Variants in STK3 observed in about 807,000 individuals in gnomAD.
The protein encoded by STK3 is serine/threonine kinase 3.
STK3 carries 41 observed loss-of-function variants against 58.0 expected under a neutral mutation model. That is an observed-to-expected ratio of 0.71 (90% CI 0.55 to 0.92). The LOEUF (loss-of-function observed/expected upper bound fraction) is 0.92. STK3 is among the 40% of genes least tolerant of loss of function. STK3 has a pLI of 0.00. For synonymous variants in STK3, 170 were observed against 191.0 expected, an observed-to-expected ratio of 0.89 and a Z score of 0.91; for missense variants, 479 against 602.7, an observed-to-expected ratio of 0.79 and a Z score of 2.15.
intron 7 of STK3, among the ~76,000 whole-genome samples, chr8:98,585,436 T>C (rs1231955029): frequency 1.3e-5 from 2 of 151,740 alleles, no homozygotes; most frequent in African/African-American, 2.4e-5. Flanking sequence ...AAGGGCTCTG[T>C]TCTGTTCCAT....
chr8:98,743,333 T>C (rs1209892536), intron 4 of STK3, among the ~76,000 whole-genome samples: 1 of 150,506 alleles, frequency 6.6e-6, no homozygotes, highest in Admixed American at 6.6e-5. Flanking sequence ...GACTTCAAAC[T>C]ATACTACAAG....
rs115303687 is a variant in STK3, at chr8:98,570,472, A to G, written c.948+9192T>C. Among the ~76,000 whole-genome samples, 1,404 of 152,194 alleles carry G rather than the reference A, an allele frequency of 9.2e-3. 18 individuals carry two copies. The highest frequency in any genetic ancestry group is 0.032 in the African/African-American group (1,327 of 41,528). On this transcript the variant is annotated intron_variant, in intron 8 of 10. Transcript: ENST00000419617. ...TATTTATTTTTAATTTTAAAACTAG[A>G]TTTAATATCTACCAACTCTTCCAAA...
chr8:98,775,539 C>T (rs911603593), intron 1 of STK3, among the ~76,000 whole-genome samples: 2 of 152,098 alleles, frequency 1.3e-5, no homozygotes, highest in Non-Finnish European at 2.9e-5. Flanking sequence ...TTATTCTCTG[C>T]TTTGTTGGAT....
chr8:98,373,239 A>C (rs957208197), intron 2 of STK3, among the ~76,000 whole-genome samples: 8 of 152,122 alleles, frequency 5.3e-5, no homozygotes, highest in African/African-American at 1.9e-4. Flanking sequence ...TGCCCTTAAC[A>C]TCTCCTTCTG....
At chr8:98,381,213 CA>C (rs1817728545) in intron 1 of STK3, among the ~76,000 whole-genome samples, 1 of 151,992 alleles carries the variant, frequency 6.6e-6, no homozygotes, top group Non-Finnish European at 1.5e-5. Context: ...TCAGGTGATC[CA>C]CCTGCCTCAG....
intron 8 of STK3, among the ~76,000 whole-genome samples, chr8:98,568,148 A>G (rs1812660262): frequency 6.6e-6 from 1 of 152,214 alleles, no homozygotes; most frequent in Admixed American, 6.5e-5. Context: ...TTATAATTTT[A>G]GAACAGTCCA....
intron 4 of STK3, among the ~76,000 whole-genome samples, chr8:98,710,577 G>A (rs568144120): frequency 6.3e-4 from 96 of 152,318 alleles, no homozygotes; most frequent in Non-Finnish European, 6.5e-4. Flanking sequence ...ACTGCAATGC[G>A]GCAGCGAGGC....
At chr8:98,667,538 T>G (rs780066295) in intron 6 of STK3, among the ~76,000 whole-genome samples, 1 of 152,150 alleles carries the variant, frequency 6.6e-6, no homozygotes, top group Non-Finnish European at 1.5e-5. Flanking sequence ...GTAACAAATT[T>G]TGACTGATTG....
At chr8:98,631,435 A>T (rs971425870) in intron 6 of STK3, among the ~76,000 whole-genome samples, 6 of 152,120 alleles carry the variant, frequency 3.9e-5, no homozygotes, top group African/African-American at 1.2e-4. Flanking sequence ...TAAAACATCA[A>T]ACACAGTCAC....
chr8:98,754,226 A>G (rs1317801857), intron 3 of STK3, among the ~76,000 whole-genome samples: 1 of 152,160 alleles, frequency 6.6e-6, no homozygotes, highest in Non-Finnish European at 1.5e-5. Context: ...ATGAAACTAA[A>G]TACAGACTTA....
At chr8:98,418,481 G>A (rs1818136603) in intron 3 of STK3, among the ~76,000 whole-genome samples, 1 of 152,206 alleles carries the variant, frequency 6.6e-6, no homozygotes, top group Non-Finnish European at 1.5e-5. Context: ...GTGGATGGAT[G>A]GATGGATCGA....
chr8:98,594,360 G>A (rs916243044), intron 7 of STK3, among the ~76,000 whole-genome samples: 1 of 152,082 alleles, frequency 6.6e-6, no homozygotes, highest in Non-Finnish European at 1.5e-5. Context: ...AGCACTTTGG[G>A]AGGCTGAGGC....
chr8:98,902,794 T>C (rs2131956215), intron 1 of STK3, among the ~76,000 whole-genome samples: 2 of 152,354 alleles, frequency 1.3e-5, no homozygotes, highest in Admixed American at 6.5e-5. Context: ...TTGCAGAGAT[T>C]ATCATGCATT....
rs867130624 is a variant in STK3, at chr8:98,457,461, C to T, written c.1318-1461G>A. ...CCAGTTCCACTTCTGTGTTCTTCAACATCATCTCTATTTCAGCCCATGTTA... is the reference window on the plus strand; with the variant it reads ...CCAGTTCCACTTCTGTGTTCTTCAATATCATCTCTATTTCAGCCCATGTTA... On this transcript the variant is annotated intron_variant, in intron 10 of 10. Transcript: ENST00000419617. 5.3e-5 allele frequency among the ~76,000 whole-genome samples: 8 copies of T among 152,322 alleles called. No individual in the cohort carries two copies. In the Middle Eastern group the frequency reaches 0.01, roughly 194 times the overall value.
At chr8:98,838,415 G>A (rs1466527006) in intron 3 of STK3, among the ~76,000 whole-genome samples, 1 of 152,102 alleles carries the variant, frequency 6.6e-6, no homozygotes, top group Non-Finnish European at 1.5e-5. Context: ...AAGAAGACTT[G>A]TTTACTTCTA....
At chr8:98,580,449 T>C (rs1813779255) in intron 7 of STK3, among the ~76,000 whole-genome samples, 1 of 152,048 alleles carries the variant, frequency 6.6e-6, no homozygotes. Context: ...GGTTTTGAAT[T>C]TCTTTTTATT....
chr8:98,762,391 G>T (rs1244740021), intron 3 of STK3, among the ~76,000 whole-genome samples: 2 of 152,144 alleles, frequency 1.3e-5, no homozygotes, highest in Non-Finnish European at 2.9e-5. Flanking sequence ...CAGTAGCTGG[G>T]ATTACAGGTG....
At chr8:98,429,180 G>A (rs1380809648) in intron 3 of STK3, 7 of 1,613,816 alleles carry the variant, frequency 4.3e-6, no homozygotes, top group East Asian at 4.5e-5. Context: ...AGGCATCCTC[G>A]TGGTGGTCCT....
At chr8:98,367,683 A>G (rs533549740), downstream of STK3, among the ~76,000 whole-genome samples, 1 of 152,258 alleles carries the variant, frequency 6.6e-6, no homozygotes, top group East Asian at 1.9e-4. Context: ...CTCTTTAGTG[A>G]CTGCCATGTC....
Sources: allele counts gnomAD v4.1 joint callset (sites outside exome capture counted in the v4.1 genomes callset), GRCh38; gene constraint gnomAD v4.1.1; transcripts MANE v1.5; gene names NCBI Gene and HGNC (gene_info 2026-07-23, HGNC 2026-07-21).